The following ELAVL2 variants were observed in gnomAD, a reference collection of about 807,000 sequenced individuals.
The protein encoded by ELAVL2 is ELAV-like protein 2.
Under a neutral mutation model 34.6 loss-of-function variants are expected in ELAVL2, and 4 were observed. The ratio of observed to expected loss-of-function variants is 0.12; its 90% confidence interval spans 0.06 to 0.26. The LOEUF (loss-of-function observed/expected upper bound fraction) is 0.26. Ranked by LOEUF, ELAVL2 falls within the 10% of genes least tolerant of loss-of-function variation. ELAVL2 has a pLI of 1.00. For missense variants in ELAVL2, 432 were observed against 442.8 expected (o/e 0.98, Z 0.22); for synonymous variants, 193 against 154.8 (o/e 1.25, Z -1.83).
intron 1 of ELAVL2, among the ~76,000 whole-genome samples, chr9:23,763,506 G>A (rs930737059): frequency 1.3e-5 from 2 of 152,014 alleles, no homozygotes; most frequent in African/African-American, 4.8e-5. Context: ...CTGAATTGAC[G>A]GGATGCTAGT....
the ELAVL2 span, chr9:23,832,178 C>T: frequency 0.21 from 32,664 of 152,050 alleles, 4,004 homozygotes; most frequent in Non-Finnish European, 0.26. Context: ...GGCCTTTTGG[C>T]TGAAGTGATA....
chr9:23,723,143 T>A (rs2044166825), intron 3 of ELAVL2, among the ~76,000 whole-genome samples: 1 of 152,126 alleles, frequency 6.6e-6, no homozygotes, highest in African/African-American at 2.4e-5. Flanking sequence ...GCGGCACTAT[T>A]CACAATAGCA....
intron 2 of ELAVL2, among the ~76,000 whole-genome samples, chr9:23,750,587 C>T (rs1052679297): frequency 2.6e-5 from 4 of 152,078 alleles, no homozygotes; most frequent in Admixed American, 6.6e-5. Flanking sequence ...TAACCTAATA[C>T]TCAGGTTCAC....
At chr9:23,816,271 T>A (rs1213264297) in intron 1 of ELAVL2, among the ~76,000 whole-genome samples, 2 of 76,782 alleles carry the variant, frequency 2.6e-5, no homozygotes, top group African/African-American at 5.0e-5. Flanking sequence ...CCTAGTCCCA[T>A]AAAGAGATGA....
At chr9:23,780,574 G>T (rs2058926129) in intron 1 of ELAVL2, among the ~76,000 whole-genome samples, 2 of 152,080 alleles carry the variant, frequency 1.3e-5, no homozygotes, top group Non-Finnish European at 2.9e-5. Flanking sequence ...CCATAACTAT[G>T]TTGGCTTATA....
chr9:23,846,053 T>G, the ELAVL2 span, among the ~76,000 whole-genome samples: 8 of 151,794 alleles, frequency 5.3e-5, no homozygotes, highest in African/African-American at 1.9e-4. Context: ...AACCCAAGAA[T>G]AGGCAATATT....
At chr9:23,709,450 G>A (rs1045969048) in intron 3 of ELAVL2, among the ~76,000 whole-genome samples, 5 of 144,532 alleles carry the variant, frequency 3.5e-5, no homozygotes, top group Admixed American at 7.3e-5. Context: ...TCTCCATTCC[G>A]ATTTTTTTTT....
chr9:23,795,595 G>A lies in ELAVL2; in HGVS notation c.-16+30211C>T, dbSNP rs2060825081. ...GGGGAAAACAACATTGTAAGTACTGGAAAATACTACGTCCATAGTCATTGA... is the reference window on the plus strand; with the variant it reads ...GGGGAAAACAACATTGTAAGTACTGAAAAATACTACGTCCATAGTCATTGA... On this transcript the variant is annotated intron_variant, in intron 1 of 6. Coordinates refer to ENST00000397312, the MANE Select transcript of ELAVL2 (RefSeq NM_004432.5). 2.0e-5 allele frequency among the ~76,000 whole-genome samples: 3 copies of A among 151,958 alleles called. No homozygotes were observed. The South Asian group carries it at 6.3e-4, about 32-fold the overall frequency.
At chr9:23,709,476 G>A (rs2040343122) in intron 3 of ELAVL2, among the ~76,000 whole-genome samples, 1 of 151,584 alleles carries the variant, frequency 6.6e-6, no homozygotes, top group African/African-American at 2.4e-5. Context: ...TGTGGATTTA[G>A]ATCTTACAGG....
At chr9:23,696,006 G>A (rs560036058) in intron 5 of ELAVL2, among the ~76,000 whole-genome samples, 2 of 152,030 alleles carry the variant, frequency 1.3e-5, no homozygotes, top group African/African-American at 4.8e-5. Context: ...ATTATGATAG[G>A]GCATCTTTTT....
chr9:23,704,081 C>T (rs1015585377), intron 4 of ELAVL2, among the ~76,000 whole-genome samples: 1 of 149,826 alleles, frequency 6.7e-6, no homozygotes, highest in African/African-American at 2.4e-5. Flanking sequence ...TACAGGCATG[C>T]GCCATCACAC....
chr9:23,807,457 A>T (rs911367114), intron 1 of ELAVL2, among the ~76,000 whole-genome samples: 2 of 152,134 alleles, frequency 1.3e-5, no homozygotes, highest in African/African-American at 2.4e-5. Flanking sequence ...ACATTTTTTT[A>T]AAAAGTATTT....
chr9:23,785,907 T>C (rs77600485), intron 1 of ELAVL2, among the ~76,000 whole-genome samples: 18 of 152,302 alleles, frequency 1.2e-4, no homozygotes, highest in Admixed American at 4.6e-4. Flanking sequence ...AAAGAATAGA[T>C]TGTAAAATAA....
chr9:23,703,247 A>T (rs1189613077), intron 4 of ELAVL2, among the ~76,000 whole-genome samples: 1 of 152,196 alleles, frequency 6.6e-6, no homozygotes, highest in East Asian at 1.9e-4. Flanking sequence ...GGTGAAACCT[A>T]CTCTCAATTC....
chr9:23,746,057 C>T (rs1377878760), intron 2 of ELAVL2, among the ~76,000 whole-genome samples: 1 of 151,978 alleles, frequency 6.6e-6, no homozygotes, highest in Non-Finnish European at 1.5e-5. Context: ...CTTCACTGCA[C>T]CTACTATTTT....
chr9:23,772,077 G>A (rs2136334146), intron 1 of ELAVL2, among the ~76,000 whole-genome samples: 1 of 152,254 alleles, frequency 6.6e-6, no homozygotes, highest in South Asian at 2.1e-4. Context: ...GTTTGGTATA[G>A]GCAGATTAAT....
chr9:23,752,358 C>CA (rs1286686362), intron 2 of ELAVL2, among the ~76,000 whole-genome samples: 2 of 152,094 alleles, frequency 1.3e-5, no homozygotes, highest in African/African-American at 2.4e-5. Context: ...CAGGAGGAAG[C>CA]AAAGGTATTT....
chr9:23,749,631 G>A (rs1367596052), intron 2 of ELAVL2, among the ~76,000 whole-genome samples: 2 of 152,028 alleles, frequency 1.3e-5, no homozygotes. Flanking sequence ...TTGTTTAAAG[G>A]GATTTCTTTT....
chr9:23,704,552 G>T (rs1360744799), intron 4 of ELAVL2, among the ~76,000 whole-genome samples: 1 of 151,880 alleles, frequency 6.6e-6, no homozygotes, highest in Non-Finnish European at 1.5e-5. Flanking sequence ...GCATACCGCT[G>T]CATTAAACTT....
Sources: allele counts gnomAD v4.1 joint callset (sites outside exome capture counted in the v4.1 genomes callset), GRCh38; gene constraint gnomAD v4.1.1; transcripts MANE v1.5; gene names NCBI Gene and HGNC (gene_info 2026-07-23, HGNC 2026-07-21).